FRMD5: variants seen among roughly 807,000 people sequenced by gnomAD.
FRMD5 encodes the protein FERM domain-containing protein 5.
Under a neutral mutation model 69.0 loss-of-function variants are expected in FRMD5, and 20 were observed. The observed-to-expected ratio is 0.29, with a 90% CI of 0.20 to 0.42. The LOEUF (loss-of-function observed/expected upper bound fraction) is 0.42. Among genes scored for constraint, FRMD5 ranks in the 10% least tolerant of loss-of-function variants. The probability of loss-of-function intolerance (pLI) is 1.00; values close to 1 mark genes in which losing one functional copy is unlikely to be tolerated. For synonymous variants in FRMD5, 271 were observed against 260.1 expected, an observed-to-expected ratio of 1.04 and a Z score of -0.40; for missense variants, 595 against 708.6, an observed-to-expected ratio of 0.84 and a Z score of 1.82.
At chr15:44,196,060 G>A (rs2078291321), upstream of FRMD5, among the ~76,000 whole-genome samples, 1 of 152,078 alleles carries the variant, frequency 6.6e-6, no homozygotes, top group Non-Finnish European at 1.5e-5. Flanking sequence ...ACAAAGAATT[G>A]TCTCCTTCTC....
intron 1 of FRMD5, among the ~76,000 whole-genome samples, chr15:43,974,922 T>A (rs955658161): frequency 7.9e-5 from 12 of 152,228 alleles, no homozygotes; most frequent in Non-Finnish European, 1.2e-4. Flanking sequence ...CTGACAATCA[T>A]CTCCCAGAGT....
intron 1 of FRMD5, among the ~76,000 whole-genome samples, chr15:44,176,212 C>A (rs1006093441): frequency 5.3e-5 from 8 of 152,056 alleles, no homozygotes; most frequent in Non-Finnish European, 1.0e-4. Flanking sequence ...AATTTAGAGT[C>A]CAGAAATAAA....
In FRMD5 at chr15:43,955,842, G is replaced by A. The variant is rs142450401; in HGVS notation, c.103-31533C>T. ...TTTTTTTTTTAGGGCATGGTCCTTGGCTATACAAGAGAACCAAAATGTTTT... is the reference window on the plus strand; with the variant it reads ...TTTTTTTTTTAGGGCATGGTCCTTGACTATACAAGAGAACCAAAATGTTTT... On this transcript the variant is annotated intron_variant, in intron 1 of 13. Coordinates refer to ENST00000417257, the MANE Select transcript of FRMD5 (RefSeq NM_032892.5). 6.9e-4 allele frequency among the ~76,000 whole-genome samples: 105 copies of A among 151,900 alleles called. 1 individual carries two copies. The Middle Eastern group carries it at 0.017, about 25-fold the overall frequency.
At chr15:43,989,434 CGATGAT>C in intron 1 of FRMD5, 1 of 791,862 alleles carries the variant, frequency 1.3e-6, no homozygotes, top group African/African-American at 1.7e-5. Flanking sequence ...CTGCTTTTGC[CGATGAT>C]GATGACCTGG....
chr15:43,905,702 G>A, intron 6 of FRMD5, 126 bp downstream of exon 6: 1 of 1,221,366 alleles, frequency 8.2e-7, no homozygotes, highest in Non-Finnish European at 1.2e-6. Flanking sequence ...TCCGCGGTCA[G>A]GAAGGCTGGG....
chr15:44,128,826 A>G (rs2077059071), intron 1 of FRMD5, among the ~76,000 whole-genome samples: 1 of 152,130 alleles, frequency 6.6e-6, no homozygotes, highest in Admixed American at 6.6e-5. Flanking sequence ...TAGGGAAATT[A>G]AAGGAGCTAA....
At chr15:44,016,408 G>A (rs1418862698) in intron 1 of FRMD5, among the ~76,000 whole-genome samples, 1 of 152,100 alleles carries the variant, frequency 6.6e-6, no homozygotes, top group East Asian at 1.9e-4. Context: ...TGGCATTGTG[G>A]AAACTACCAT....
intron 1 of FRMD5, among the ~76,000 whole-genome samples, chr15:43,969,293 C>T (rs1460895776): frequency 2.0e-5 from 3 of 151,928 alleles, no homozygotes; most frequent in Non-Finnish European, 4.4e-5. Context: ...TGTGGCCCAG[C>T]CTTGTCTCAC....
At chr15:43,910,068 G>T in intron 4 of FRMD5, 89 bp from the exon 5 acceptor site, 2 of 683,022 alleles carry the variant, frequency 2.9e-6, no homozygotes, top group Non-Finnish European at 4.9e-6. Flanking sequence ...CAAAATCTTT[G>T]TCAGGATACT....
At chr15:43,944,462 C>A (rs2089911402) in intron 1 of FRMD5, among the ~76,000 whole-genome samples, 1 of 152,210 alleles carries the variant, frequency 6.6e-6, no homozygotes, top group African/African-American at 2.4e-5. Flanking sequence ...ACTCTTGTTG[C>A]CCAGGCTGGA....
At chr15:44,093,702 A>C (rs1425449782) in intron 1 of FRMD5, among the ~76,000 whole-genome samples, 1 of 151,756 alleles carries the variant, frequency 6.6e-6, no homozygotes, top group Admixed American at 6.6e-5. Flanking sequence ...CCTCCAGAGT[A>C]GCTGGGACTA....
At position 43,895,020 on chromosome 15, in the gene FRMD5, G is replaced by C. The variant is rs576199806; in HGVS notation, c.640-2951C>G. 1.4e-3 allele frequency among the ~76,000 whole-genome samples: 216 copies of C among 152,236 alleles called. 1 individual carries two copies. Among genetic ancestry groups the C allele is most frequent in the Non-Finnish European group, 2.5e-3 (171 of 67,998 alleles). ...GTGGGTCTTGAACTCCTGGGCTCAA[G>C]TGATCCACCCACCTCAGCCTCCCAA... On this transcript the variant is annotated intron_variant, in intron 7 of 13. Coordinates refer to ENST00000417257, the MANE Select transcript of FRMD5 (RefSeq NM_032892.5).
intron 1 of FRMD5, among the ~76,000 whole-genome samples, chr15:44,113,759 G>A (rs1401235961): frequency 2.6e-5 from 4 of 151,974 alleles, no homozygotes; most frequent in Admixed American, 2.6e-4. Flanking sequence ...TTTTGACCTT[G>A]AAAAAGTCAC....
intron 1 of FRMD5, among the ~76,000 whole-genome samples, chr15:44,029,129 T>C (rs1034918062): frequency 1.3e-5 from 2 of 152,208 alleles, no homozygotes; most frequent in African/African-American, 4.8e-5. Flanking sequence ...AAAGCTATGA[T>C]AGAAATACCA....
intron 1 of FRMD5, among the ~76,000 whole-genome samples, chr15:43,953,564 C>A (rs1357354953): frequency 6.6e-6 from 1 of 152,208 alleles, no homozygotes; most frequent in Non-Finnish European, 1.5e-5. Context: ...CAGACCATAT[C>A]GCTCACTAAG....
chr15:44,127,694 C>T (rs942762899), intron 1 of FRMD5, among the ~76,000 whole-genome samples: 4 of 151,968 alleles, frequency 2.6e-5, no homozygotes, highest in African/African-American at 9.7e-5. Flanking sequence ...GGCAACATGG[C>T]GAAACCTCAT....
At chr15:44,065,864 A>G (rs1893288156) in intron 1 of FRMD5, among the ~76,000 whole-genome samples, 1 of 152,216 alleles carries the variant, frequency 6.6e-6, no homozygotes, top group South Asian at 2.1e-4. Flanking sequence ...GACATCCTTC[A>G]CAACAATTCT....
At chr15:44,158,960 G>A (rs572053956) in intron 1 of FRMD5, among the ~76,000 whole-genome samples, 4 of 152,128 alleles carry the variant, frequency 2.6e-5, no homozygotes, top group Non-Finnish European at 5.9e-5. Flanking sequence ...GCCCAGCATG[G>A]CATAGGAAGA....
At chr15:43,902,896 C>T (rs1000977811) in intron 6 of FRMD5, among the ~76,000 whole-genome samples, 1 of 152,178 alleles carries the variant, frequency 6.6e-6, no homozygotes, top group Admixed American at 6.5e-5. Flanking sequence ...ATATAGCTTG[C>T]TGGTGCCACC....
Sources: allele counts gnomAD v4.1 joint callset (sites outside exome capture counted in the v4.1 genomes callset), GRCh38; gene constraint gnomAD v4.1.1; transcripts MANE v1.5; gene names NCBI Gene and HGNC (gene_info 2026-07-23, HGNC 2026-07-21).